Variants in NEK1 observed in about 807,000 individuals in gnomAD.
The protein encoded by NEK1 is serine/threonine-protein kinase Nek1.
In NEK1, 137 loss-of-function variants were observed where a neutral mutation model predicts 182.1. The observed-to-expected ratio is 0.75, with a 90% CI of 0.65 to 0.87. The LOEUF (loss-of-function observed/expected upper bound fraction) is 0.87, where lower values mean the gene tolerates loss of function less well. Ranked by LOEUF, NEK1 falls within the 40% of genes least tolerant of loss-of-function variation. The probability of loss-of-function intolerance (pLI) is 0.00; values close to 1 mark genes in which losing one functional copy is unlikely to be tolerated. For missense variants in NEK1, 1,391 were observed against 1,494.4 expected (o/e 0.93, Z 1.14); for synonymous variants, 513 against 492.2 (o/e 1.04, Z -0.56).
At chr4:169,549,968 C>T (rs1373093473) in intron 18 of NEK1, among the ~76,000 whole-genome samples, 1 of 152,056 alleles carries the variant, frequency 6.6e-6, no homozygotes, top group Non-Finnish European at 1.5e-5. Context: ...GTGATCTGCC[C>T]ACCTTGACCT....
intron 23 of NEK1, among the ~76,000 whole-genome samples, chr4:169,503,810 G>A (rs549998029): frequency 6.6e-6 from 1 of 152,192 alleles, no homozygotes; most frequent in Non-Finnish European, 1.5e-5. Context: ...ACTGGCCTAG[G>A]CAAAGATTTC....
chr4:169,451,501 T>C (rs980788993), intron 27 of NEK1, among the ~76,000 whole-genome samples: 8 of 152,078 alleles, frequency 5.3e-5, no homozygotes, highest in Non-Finnish European at 1.0e-4. Context: ...ACCGCACAAC[T>C]ACATAGAAAC....
Position 169,562,172 on chromosome 4 carries a change from CTCTCT to C in NEK1, c.1040_1044del (p.Lys347SerfsTer12). 1 of 1,548,646 alleles carries C rather than the reference CTCTCT, an allele frequency of 6.5e-7. No individual in the cohort carries two copies. ...TTCCTCCTTTCTTCTCCAGTATTCACTCTCTTCTCTGGAGTTTGATGGGCCTGGAC... is the reference window on the plus strand; with the variant it reads ...TTCCTCCTTTCTTCTCCAGTATTCACTCTCTGGAGTTTGATGGGCCTGGAC... On this transcript the variant is annotated frameshift_variant, in exon 13 of 36. Transcript: ENST00000507142. LOFTEE classifies it high-confidence loss of function.
chr4:169,589,004 C>A (rs1767986302), intron 7 of NEK1, among the ~76,000 whole-genome samples: 1 of 152,204 alleles, frequency 6.6e-6, no homozygotes, highest in Non-Finnish European at 1.5e-5. Flanking sequence ...TTCACATTCA[C>A]TCACCACTCA....
intron 23 of NEK1, among the ~76,000 whole-genome samples, chr4:169,491,073 G>A (rs898439034): frequency 3.4e-5 from 5 of 146,136 alleles, no homozygotes; most frequent in African/African-American, 1.3e-4. Flanking sequence ...AACCCAGGAG[G>A]TGGAGGCTGC....
At chr4:169,513,096 T>A (rs967870418) in intron 19 of NEK1, among the ~76,000 whole-genome samples, 2 of 152,168 alleles carry the variant, frequency 1.3e-5, no homozygotes, top group Non-Finnish European at 2.9e-5. Flanking sequence ...TCTTTCCATA[T>A]AAATTTTAAA....
At chr4:169,483,114 C>T (rs1748391956) in intron 23 of NEK1, among the ~76,000 whole-genome samples, 1 of 152,160 alleles carries the variant, frequency 6.6e-6, no homozygotes. Flanking sequence ...TAAGAGGCCA[C>T]TGTAAGTCAT....
intron 27 of NEK1, among the ~76,000 whole-genome samples, chr4:169,460,228 A>G (rs1320922319): frequency 6.6e-6 from 1 of 152,016 alleles, no homozygotes; most frequent in Non-Finnish European, 1.5e-5. Flanking sequence ...GGAAATTCAT[A>G]AAAGAAAGCG....
chr4:169,559,966 G>A (rs927786358), intron 16 of NEK1, among the ~76,000 whole-genome samples: 8 of 152,278 alleles, frequency 5.3e-5, no homozygotes, highest in Non-Finnish European at 8.8e-5. Context: ...CTGAGATCGT[G>A]CCATTGCACT....
At chr4:169,457,844 A>G (rs1201285119) in intron 27 of NEK1, among the ~76,000 whole-genome samples, 1 of 151,976 alleles carries the variant, frequency 6.6e-6, no homozygotes, top group Non-Finnish European at 1.5e-5. Context: ...TGACAGGGGA[A>G]AAAAAGACCG....
chr4:169,547,612 A>T (rs1239940104), intron 18 of NEK1, among the ~76,000 whole-genome samples: 1 of 152,150 alleles, frequency 6.6e-6, no homozygotes, highest in Non-Finnish European at 1.5e-5. Context: ...AGGTACACCA[A>T]ACAAATGTAG....
intron 5 of NEK1, among the ~76,000 whole-genome samples, chr4:169,594,352 A>G (rs187850531): frequency 1.3e-5 from 2 of 152,314 alleles, no homozygotes; most frequent in African/African-American, 4.8e-5. Context: ...TTTTAAAGGC[A>G]TGAGCTTTTA....
At chr4:169,454,733 A>G (rs1742513142) in intron 27 of NEK1, among the ~76,000 whole-genome samples, 1 of 152,212 alleles carries the variant, frequency 6.6e-6, no homozygotes, top group South Asian at 2.1e-4. Flanking sequence ...TGTTGGTGGG[A>G]GTGTAAATTG....
At chr4:169,449,538 AG>A (rs1314315792) in intron 27 of NEK1, among the ~76,000 whole-genome samples, 2 of 152,202 alleles carry the variant, frequency 1.3e-5, no homozygotes, top group Non-Finnish European at 2.9e-5. Flanking sequence ...CCAGGCAAAC[AG>A]GGTCTGGAGT....
chr4:169,582,164 T>C (rs1420095538), intron 10 of NEK1, among the ~76,000 whole-genome samples: 3 of 152,158 alleles, frequency 2.0e-5, no homozygotes, highest in Non-Finnish European at 4.4e-5. Context: ...GAATTTTCTC[T>C]TTTTTCAAGA....
rs758160256 is a variant in NEK1, at chr4:169,477,299, ATCT to A, written c.2256_2258del (p.Glu752del). The A allele has an allele frequency of 3.1e-6, 5 of 1,590,410 alleles. No individual in the cohort carries two copies. The African/African-American group carries it at 5.4e-5, about 17-fold the overall frequency. On this transcript the variant is annotated inframe_deletion, in exon 26 of 36. Transcript: ENST00000507142. Reference sequence around the variant, plus strand: ...CAGAGAGATTCTGCTTTCCTTTTTCATCTTCTTGAGCTTTAAGATTTTCATTTA... The same window carrying A: ...CAGAGAGATTCTGCTTTCCTTTTTCATCTTGAGCTTTAAGATTTTCATTTA...
intron 27 of NEK1, among the ~76,000 whole-genome samples, chr4:169,448,501 C>A (rs1741026467): frequency 6.6e-6 from 1 of 151,948 alleles, no homozygotes; most frequent in East Asian, 1.9e-4. Flanking sequence ...AAGAAATCAC[C>A]TTCTCTAAAA....
At chr4:169,575,302 C>T (rs1036978091) in intron 12 of NEK1, among the ~76,000 whole-genome samples, 1 of 152,232 alleles carries the variant, frequency 6.6e-6, no homozygotes, top group Non-Finnish European at 1.5e-5. Flanking sequence ...TAGAGCTGGA[C>T]GTTGTAAACA....
At position 169,410,428 on chromosome 4, in the gene NEK1, C is replaced by G. The variant is rs187759802; in HGVS notation, c.3223-3681G>C. On this transcript the variant is annotated intron_variant, in intron 31 of 35. Coordinates refer to ENST00000507142, the MANE Select transcript of NEK1 (RefSeq NM_001199397.3). The stretch of plus-strand genomic sequence containing the variant: ...CTAAAAAATTCTACTCATAGTAATT[C>G]TAATACACTCTTTGAGCTCCAGTAT... Among the ~76,000 whole-genome samples, 29 of 152,212 alleles carry G rather than the reference C, an allele frequency of 1.9e-4. No individual in the cohort carries two copies. The South Asian group carries it at 3.3e-3, about 17-fold the overall frequency.
Sources: gnomAD v4.1 joint callset for allele counts (sites outside exome capture counted in the v4.1 genomes callset) on GRCh38, gnomAD v4.1.1 for gene constraint, MANE v1.5 for transcripts, NCBI Gene and HGNC (gene_info 2026-07-23, HGNC 2026-07-21) for gene names.